Variants in CDH18 observed in about 807,000 individuals in gnomAD.
The protein encoded by CDH18 is cadherin 18.
A neutral mutation model predicts 67.9 loss-of-function variants in CDH18; 31 were observed. The ratio of observed to expected loss-of-function variants is 0.46; its 90% CI spans 0.34 to 0.62. The LOEUF (loss-of-function observed/expected upper bound fraction) is 0.62. CDH18 is among the 20% of genes least tolerant of loss of function. The pLI is 0.01. For missense variants in CDH18, 890 were observed against 975.5 expected (o/e 0.91, Z 1.17); for synonymous variants, 362 against 347.2 (o/e 1.04, Z -0.48).
At chr5:19,858,319 C>A (rs555858261) in intron 2 of CDH18, among the ~76,000 whole-genome samples, 1 of 152,062 alleles carries the variant, frequency 6.6e-6, no homozygotes, top group African/African-American at 2.4e-5. Flanking sequence ...GGTTTCACAG[C>A]CTTCAGAGCT....
At chr5:19,478,951 T>A (rs1291159754) in intron 12 of CDH18, among the ~76,000 whole-genome samples, 1 of 152,174 alleles carries the variant, frequency 6.6e-6, no homozygotes, top group Admixed American at 6.6e-5. Context: ...GTAACTCAGC[T>A]CATAATGTTT....
At chr5:20,004,543 C>T (rs1188374253) in intron 2 of CDH18, among the ~76,000 whole-genome samples, 3 of 152,070 alleles carry the variant, frequency 2.0e-5, no homozygotes, top group Non-Finnish European at 4.4e-5. Context: ...GAATAGGCCA[C>T]CAACGATTAG....
chr5:20,039,940 T>A (rs1740260158), intron 2 of CDH18, among the ~76,000 whole-genome samples: 1 of 152,110 alleles, frequency 6.6e-6, no homozygotes, highest in Non-Finnish European at 1.5e-5. Context: ...ATTTTTGCAA[T>A]CTATCCATCT....
At chr5:19,607,652 T>A (rs988553725) in intron 6 of CDH18, among the ~76,000 whole-genome samples, 1 of 151,398 alleles carries the variant, frequency 6.6e-6, no homozygotes, top group Admixed American at 6.6e-5. Flanking sequence ...TACTTATAAG[T>A]GTAGTAAATC....
At chr5:20,402,589 A>G (rs1745863264) in intron 1 of CDH18, among the ~76,000 whole-genome samples, 1 of 152,212 alleles carries the variant, frequency 6.6e-6, no homozygotes, top group Admixed American at 6.5e-5. Context: ...TCTTTAAATT[A>G]TAGTCTCTTC....
intron 2 of CDH18, chr5:19,878,035 G>A (rs891636743): frequency 8.6e-5 from 13 of 151,994 alleles, no homozygotes; most frequent in African/African-American, 2.9e-4. Flanking sequence ...TACTAACTTC[G>A]TTGTAAGAAG....
chr5:19,947,585 C>CAAAAAAA (rs35601486), intron 2 of CDH18, among the ~76,000 whole-genome samples: 278 of 53,336 alleles, frequency 5.2e-3, no homozygotes, highest in Non-Finnish European at 8.9e-3. Flanking sequence ...TACTAAAATA[C>CAAAAAAA]AAAAAAAAAA....
chr5:20,562,736 A>T (rs1581204908), intron 1 of CDH18, among the ~76,000 whole-genome samples: 1 of 152,014 alleles, frequency 6.6e-6, no homozygotes, highest in East Asian at 1.9e-4. Flanking sequence ...GGAATAAAAC[A>T]TTATTGCGTA....
At chr5:20,510,156 T>TC (rs1754941975) in intron 1 of CDH18, among the ~76,000 whole-genome samples, 2 of 152,294 alleles carry the variant, frequency 1.3e-5, no homozygotes, top group Admixed American at 1.3e-4. Context: ...GTTGAAATTT[T>TC]TTTTCATAGG....
intron 5 of CDH18, among the ~76,000 whole-genome samples, chr5:19,663,537 G>T (rs1442268062): frequency 6.6e-6 from 1 of 151,890 alleles, no homozygotes; most frequent in African/African-American, 2.4e-5. Flanking sequence ...AATTTTCCAA[G>T]TGAAAGTTGG....
chr5:20,057,798 C>T (rs1370980192), intron 2 of CDH18, among the ~76,000 whole-genome samples: 2 of 152,152 alleles, frequency 1.3e-5, no homozygotes, highest in South Asian at 2.1e-4. Flanking sequence ...CTTTTATTAG[C>T]TTTCTTTAAA....
intron 2 of CDH18, among the ~76,000 whole-genome samples, chr5:19,889,519 T>C (rs1040341073): frequency 1.3e-5 from 2 of 152,094 alleles, no homozygotes; most frequent in African/African-American, 4.8e-5. Context: ...TTTTCTTTTG[T>C]TATAATATCA....
rs1392881123 is a variant in CDH18 at position 20,302,992 on chromosome 5, T to A, written c.-579-47487A>T. Among the ~76,000 whole-genome samples the A allele has an allele frequency of 2.0e-5, 3 of 151,610 alleles. 1 individual carries two copies. The East Asian group carries it at 5.8e-4, about 29-fold the overall frequency. On this transcript the variant is annotated intron_variant, in intron 1 of 14. Transcript: ENST00000507958. ...TCCAAACAGACATATGGAATCTTAC[T>A]CTTAAAAAAGTAAAAATATTTCAGA...
At chr5:20,163,013 C>A (rs961397336) in intron 2 of CDH18, among the ~76,000 whole-genome samples, 1 of 151,826 alleles carries the variant, frequency 6.6e-6, no homozygotes, top group Non-Finnish European at 1.5e-5. Context: ...GAGCTGAGAT[C>A]GCGCCAGTGC....
rs573088397 is a variant in CDH18, at chr5:19,838,688, C to T, written c.228+71G>A. 2.5e-5 allele frequency: 25 copies of T among 998,982 alleles called. No individual in the cohort carries two copies. In the South Asian group the frequency reaches 3.4e-4, roughly 13 times the overall value. 61.9% of individuals were successfully genotyped at this position (998,982 alleles called of 1,614,324 possible). On this transcript the variant is annotated intron_variant, in intron 3 of 12. Coordinates refer to ENST00000382275, the MANE Select transcript of CDH18 (RefSeq NM_004934.5). The stretch of plus-strand genomic sequence containing the variant: ...CATTTGTCTATCTCTTCAAATATTT[C>T]TCCAACATGAGCTCATCTTACCCCA...
intron 2 of CDH18, among the ~76,000 whole-genome samples, chr5:19,962,023 C>G (rs1431464556): frequency 6.6e-6 from 1 of 151,506 alleles, no homozygotes; most frequent in Non-Finnish European, 1.5e-5. Context: ...GTTATCATTC[C>G]TTTTGATATG....
chr5:20,431,443 G>A (rs989533186), intron 1 of CDH18, among the ~76,000 whole-genome samples: 1 of 143,422 alleles, frequency 7.0e-6, no homozygotes, highest in African/African-American at 2.6e-5. Flanking sequence ...GCAGTGAACC[G>A]AGTTTGTGCC....
At chr5:19,737,583 C>A (rs2150677702) in intron 4 of CDH18, among the ~76,000 whole-genome samples, 1 of 152,252 alleles carries the variant, frequency 6.6e-6, no homozygotes, top group Admixed American at 6.5e-5. Flanking sequence ...CACCTGACTC[C>A]TAGGAAATGG....
intron 2 of CDH18, among the ~76,000 whole-genome samples, chr5:19,959,166 G>C (rs116362616): frequency 0.024 from 3,719 of 152,120 alleles, 144 homozygotes; most frequent in African/African-American, 0.082. Flanking sequence ...AAAGATTGAA[G>C]ATGAGAAGGG....
Sources: allele counts gnomAD v4.1 joint callset (sites outside exome capture counted in the v4.1 genomes callset), GRCh38; gene constraint gnomAD v4.1.1; transcripts MANE v1.5; gene names NCBI Gene and HGNC (gene_info 2026-07-23, HGNC 2026-07-21).